ERGIC1: variants seen among roughly 807,000 people sequenced by gnomAD.
The protein encoded by ERGIC1 is endoplasmic reticulum-Golgi intermediate compartment protein 1.
In ERGIC1, 19 loss-of-function variants were observed where a neutral mutation model predicts 38.3. That is an observed-to-expected ratio of 0.50 (90% CI 0.35 to 0.73). The LOEUF is 0.73. Ranked by LOEUF, ERGIC1 falls within the 30% of genes least tolerant of loss-of-function variation. The probability of loss-of-function intolerance (pLI) is 0.01; values close to 1 mark genes in which losing one functional copy is unlikely to be tolerated. For missense variants in ERGIC1, 294 were observed against 389.2 expected (o/e 0.76, Z 2.06); for synonymous variants, 124 against 157.6 (o/e 0.79, Z 1.60).
intron 1 of ERGIC1, among the ~76,000 whole-genome samples, chr5:172,858,105 G>T (rs1761601196): frequency 6.6e-6 from 1 of 152,210 alleles, no homozygotes; most frequent in Non-Finnish European, 1.5e-5. Flanking sequence ...GGGGATCGGG[G>T]GAACCTGACT....
chr5:172,928,742 G>A (rs1329141021), intron 7 of ERGIC1, among the ~76,000 whole-genome samples: 2 of 152,012 alleles, frequency 1.3e-5, no homozygotes, highest in African/African-American at 4.8e-5. Context: ...GTGGAGTGCG[G>A]TCATGAGGAC....
intron 3 of ERGIC1, chr5:172,906,002 T>C (rs910044398): frequency 1.1e-4 from 50 of 454,192 alleles, no homozygotes; most frequent in Non-Finnish European, 2.1e-4. Context: ...AGCCCGGTGT[T>C]TAAAGGTGGG....
intron 9 of ERGIC1, among the ~76,000 whole-genome samples, chr5:172,938,838 C>A (rs1434318274): frequency 6.6e-6 from 1 of 150,994 alleles, no homozygotes; most frequent in Non-Finnish European, 1.5e-5. Context: ...CTGAGGCGGG[C>A]GGATCACCAG....
chr5:172,944,561 G>A (rs1198962396), intron 9 of ERGIC1, among the ~76,000 whole-genome samples: 2 of 152,196 alleles, frequency 1.3e-5, no homozygotes, highest in African/African-American at 4.8e-5. Context: ...GTTTCGCCTT[G>A]TTGGCCAGGC....
At chr5:172,945,407 T>A (rs1256405782) in intron 9 of ERGIC1, among the ~76,000 whole-genome samples, 1 of 152,190 alleles carries the variant, frequency 6.6e-6, no homozygotes, top group Non-Finnish European at 1.5e-5. Flanking sequence ...GCGGTCCTGT[T>A]CCTGTATGAC....
chr5:172,947,630 G>T (rs1223722861), intron 9 of ERGIC1, among the ~76,000 whole-genome samples: 1 of 152,182 alleles, frequency 6.6e-6, no homozygotes, highest in African/African-American at 2.4e-5. Context: ...CTGCCTCAGG[G>T]TTCCCCCTTA....
intron 9 of ERGIC1, among the ~76,000 whole-genome samples, chr5:172,948,866 T>C (rs900454567): frequency 5.3e-5 from 8 of 151,980 alleles, no homozygotes; most frequent in Admixed American, 5.2e-4. Flanking sequence ...CTGGGCAACA[T>C]AGCGAGACCT....
intron 1 of ERGIC1, among the ~76,000 whole-genome samples, chr5:172,864,876 A>G (rs1392446230): frequency 1.3e-5 from 2 of 151,880 alleles, no homozygotes; most frequent in Admixed American, 6.6e-5. Context: ...CCCGGCTCAC[A>G]CAGCAAGTAA....
rs546256092 is a variant in ERGIC1, at chr5:172,852,790, A to G, written c.20+18357A>G. ...AGAGTTTCAGTGAGATAACGTGTAC[A>G]TCACTCAGCATGGCACGCAGCCATG... On this transcript the variant is annotated intron_variant, in intron 1 of 9. Coordinates refer to ENST00000393784, the MANE Select transcript of ERGIC1 (RefSeq NM_001031711.3). Among the ~76,000 whole-genome samples, 488 of 152,370 alleles carry G rather than the reference A, an allele frequency of 3.2e-3. 3 individuals carry two copies. Among genetic ancestry groups the G allele is most frequent in the Non-Finnish European group, 5.0e-3 (343 of 68,036 alleles).
chr5:172,835,312 T>C (rs1330940549), intron 1 of ERGIC1, among the ~76,000 whole-genome samples: 3 of 152,080 alleles, frequency 2.0e-5, no homozygotes, highest in Non-Finnish European at 4.4e-5. Context: ...ACTGAACAGC[T>C]CGGTATATTC....
chr5:172,834,870 A>G lies in ERGIC1; in HGVS notation c.20+437A>G, dbSNP rs1225688275. On this transcript the variant is annotated intron_variant, in intron 1 of 9. Transcript: ENST00000393784. This position sits in a 1 kb window ranked among gnomAD's most constrained non-coding sequence, Gnocchi z 4.1. The stretch of plus-strand genomic sequence containing the variant: ...TGAGTCCGGAGGGGCCTGGGGCCCC[A>G]TGCAGCCTGCCGGCAGCTGGAGGGT... Among the ~76,000 whole-genome samples the G allele has an allele frequency of 6.6e-6, 1 of 152,046 alleles. No individual in the cohort carries two copies.
At chr5:172,852,564 G>A (rs1438727064) in intron 1 of ERGIC1, among the ~76,000 whole-genome samples, 2 of 152,194 alleles carry the variant, frequency 1.3e-5, no homozygotes, top group South Asian at 2.1e-4. Context: ...GCAGAGACCG[G>A]CTCAGCCTTG....
chr5:172,908,343 A>AGGGGGGGGGGGGGG (rs1358975925), intron 3 of ERGIC1, among the ~76,000 whole-genome samples: 1 of 1,450 alleles, frequency 6.9e-4, no homozygotes, highest in Non-Finnish European at 1.2e-3. Flanking sequence ...GGGAGGGGGG[A>AGGGGGGGGGGGGGG]GGGGGGGGGT....
intron 1 of ERGIC1, among the ~76,000 whole-genome samples, chr5:172,842,604 A>G (rs1258211121): frequency 1.3e-5 from 2 of 152,292 alleles, no homozygotes; most frequent in South Asian, 2.1e-4. Context: ...CCTGTTTTCC[A>G]TAGTGGCTGC....
At chr5:172,938,480 C>T (rs572427674) in intron 9 of ERGIC1, among the ~76,000 whole-genome samples, 12 of 152,250 alleles carry the variant, frequency 7.9e-5, no homozygotes, top group East Asian at 3.9e-4. Context: ...TGGCCGGGCA[C>T]GGTGGCTTAT....
intron 1 of ERGIC1, among the ~76,000 whole-genome samples, chr5:172,869,269 A>C (rs1218159941): frequency 6.6e-6 from 1 of 152,270 alleles, no homozygotes; most frequent in Non-Finnish European, 1.5e-5. Context: ...GCGTGTGCTC[A>C]GGGGAGGCTG....
intron 1 of ERGIC1, among the ~76,000 whole-genome samples, chr5:172,865,554 C>T (rs1761835912): frequency 6.6e-6 from 1 of 152,122 alleles, no homozygotes; most frequent in African/African-American, 2.4e-5. Context: ...CCCATGTGGC[C>T]ACCCCCAGAT....
At chr5:172,896,856 G>A (rs1272654911) in intron 2 of ERGIC1, 146 bp from the exon 3 acceptor site, 8 of 681,326 alleles carry the variant, frequency 1.2e-5, no homozygotes, top group Non-Finnish European at 2.0e-5. Flanking sequence ...TTCATATTGA[G>A]GCTCGAGTCA....
At chr5:172,887,511 G>T (rs573866468) in intron 1 of ERGIC1, among the ~76,000 whole-genome samples, 4 of 152,224 alleles carry the variant, frequency 2.6e-5, no homozygotes, top group African/African-American at 7.2e-5. Context: ...AACAGGCTCC[G>T]AGAGGTGAAG....
Sources: allele counts gnomAD v4.1 joint callset (sites outside exome capture counted in the v4.1 genomes callset), GRCh38; gene constraint gnomAD v4.1.1; non-coding constraint Gnocchi (gnomAD v3.1); transcripts MANE v1.5; gene names NCBI Gene and HGNC (gene_info 2026-07-23, HGNC 2026-07-21).